CACHD1: variants seen among roughly 807,000 people sequenced by gnomAD.
CACHD1 encodes VWFA and cache domain-containing protein 1.
A neutral mutation model predicts 138.7 loss-of-function variants in CACHD1; 71 were observed. The observed-to-expected ratio is 0.51, with a 90% CI of 0.42 to 0.62. The LOEUF (loss-of-function observed/expected upper bound fraction) is 0.62. CACHD1 is among the 20% of genes least tolerant of loss of function. The pLI is 0.00. For missense variants in CACHD1, 1,389 were observed against 1,625.3 expected, an observed-to-expected ratio of 0.85 and a Z score of 2.50; for synonymous variants, 578 against 591.5, an observed-to-expected ratio of 0.98 and a Z score of 0.33.
At chr1:64,681,548 T>TTTGTTTTG (rs1557555797) in intron 25 of CACHD1, among the ~76,000 whole-genome samples, 8 of 114,320 alleles carry the variant, frequency 7.0e-5, no homozygotes, top group East Asian at 2.3e-4. Context: ...TGTGTTTTTT[T>TTTGTTTTG]TTTTTTTTTT....
chr1:64,656,436 A>T (rs754824216), intron 12 of CACHD1, among the ~76,000 whole-genome samples: 1 of 152,190 alleles, frequency 6.6e-6, no homozygotes, highest in Non-Finnish European at 1.5e-5. Flanking sequence ...AAAATTCTCA[A>T]TTAGAAAACA....
intron 3 of CACHD1, among the ~76,000 whole-genome samples, chr1:64,597,753 T>A (rs994153560): frequency 6.6e-6 from 1 of 152,118 alleles, no homozygotes; most frequent in African/African-American, 2.4e-5. Context: ...TTAAGTTGAA[T>A]TGCCCATTCA....
chr1:64,645,972 TTGA>T (rs1648888719), intron 8 of CACHD1, among the ~76,000 whole-genome samples: 1 of 152,168 alleles, frequency 6.6e-6, no homozygotes, highest in Non-Finnish European at 1.5e-5. Flanking sequence ...CATGACCATG[TTGA>T]TAATAGGCAA....
chr1:64,692,616 A>G lies in CACHD1; in HGVS notation c.*1055A>G, dbSNP rs1196266632. 6.6e-6 allele frequency: 1 copy of G among 152,102 alleles called. No homozygotes were observed. Among genetic ancestry groups the G allele is most frequent in the Non-Finnish European group, 1.5e-5 (1 of 68,026 alleles). 9.4% of individuals were successfully genotyped at this position (152,102 alleles called of 1,614,324 possible). A position where few individuals can be genotyped will look rare whatever the true frequency, so the allele number is the denominator to read the frequency against. On this transcript the variant is annotated 3_prime_UTR_variant, in exon 27 of 27. Transcript: ENST00000651257. ...GGGAAGAAGTTTTCTAAATTGTGAA[A>G]GTCTGGTTCTTAATTAAAGAATTTT...
In CACHD1 at chr1:64,654,097, A is replaced by G. The variant is rs565357422; in HGVS notation, c.1664+216A>G. Among the ~76,000 whole-genome samples, 3 of 152,320 alleles carry G rather than the reference A, an allele frequency of 2.0e-5. No homozygotes were observed. The East Asian group carries it at 5.8e-4, about 29-fold the overall frequency. ...GTCTTAGAACTATTATTTGACGATAATGTCTTGTAAATCAAATTTTATGTT... is the reference window on the plus strand; with the variant it reads ...GTCTTAGAACTATTATTTGACGATAGTGTCTTGTAAATCAAATTTTATGTT... On this transcript the variant is annotated intron_variant, in intron 11 of 26. Coordinates refer to ENST00000651257, the MANE Select transcript of CACHD1 (RefSeq NM_020925.4).
intron 19 of CACHD1, among the ~76,000 whole-genome samples, chr1:64,674,439 C>A (rs975486344): frequency 6.6e-6 from 1 of 152,134 alleles, no homozygotes; most frequent in African/African-American, 2.4e-5. Flanking sequence ...GCACACAATG[C>A]CAGGATACTC....
chr1:64,474,183 A>G (rs1646161389), intron 1 of CACHD1, among the ~76,000 whole-genome samples: 2 of 152,348 alleles, frequency 1.3e-5, no homozygotes, highest in South Asian at 4.1e-4. Context: ...ATCATACATC[A>G]TGGATAAAAG....
At chr1:64,578,794 C>T (rs887384694) in intron 2 of CACHD1, among the ~76,000 whole-genome samples, 3 of 152,150 alleles carry the variant, frequency 2.0e-5, no homozygotes, top group Non-Finnish European at 4.4e-5. Flanking sequence ...CAAGAGTAAG[C>T]GTTCCAAGAG....
rs565939136 is a variant in CACHD1 at position 64,534,054 on chromosome 1, T to C, written c.199-16540T>C. Among the ~76,000 whole-genome samples the C allele has an allele frequency of 2.0e-4, 30 of 150,638 alleles. No individual in the cohort carries two copies. In the East Asian group the frequency reaches 5.7e-3, roughly 28 times the overall value. On this transcript the variant is annotated intron_variant, in intron 1 of 26. Coordinates refer to ENST00000651257, the MANE Select transcript of CACHD1 (RefSeq NM_020925.4). Reference sequence around the variant, plus strand: ...AGTCGTGAGCCCAGCATTTTTTTTTTTTTTTTTGAGACAGAGTCTCACTCT... The same window carrying C: ...AGTCGTGAGCCCAGCATTTTTTTTTCTTTTTTTGAGACAGAGTCTCACTCT...
intron 1 of CACHD1, among the ~76,000 whole-genome samples, chr1:64,474,126 G>A (rs2100256112): frequency 6.6e-6 from 1 of 152,258 alleles, no homozygotes; most frequent in East Asian, 1.9e-4. Flanking sequence ...AATTTTGCCA[G>A]TACTCTGGGA....
At chr1:64,600,064 T>C (rs1359495416) in intron 3 of CACHD1, among the ~76,000 whole-genome samples, 2 of 152,192 alleles carry the variant, frequency 1.3e-5, no homozygotes, top group African/African-American at 4.8e-5. Flanking sequence ...ACTTGCTATG[T>C]GATCTTTGGT....
At chr1:64,658,575 A>T in intron 12 of CACHD1, 130 bp from the exon 13 acceptor site, 2 of 608,292 alleles carry the variant, frequency 3.3e-6, no homozygotes, top group South Asian at 2.8e-5. Context: ...TCATTCATTC[A>T]TCCCATATTT....
intron 1 of CACHD1, among the ~76,000 whole-genome samples, chr1:64,536,212 T>G (rs1646631593): frequency 6.6e-6 from 1 of 152,208 alleles, no homozygotes; most frequent in Middle Eastern, 3.2e-3. Context: ...AAACATAGAT[T>G]TATTATACCC....
At chr1:64,569,783 T>C (rs1421019353) in intron 2 of CACHD1, among the ~76,000 whole-genome samples, 1 of 152,118 alleles carries the variant, frequency 6.6e-6, no homozygotes, top group East Asian at 1.9e-4. Context: ...GATCTGGGCT[T>C]TTTACTCAAA....
intron 11 of CACHD1, among the ~76,000 whole-genome samples, chr1:64,654,148 G>A (rs1395364427): frequency 6.6e-6 from 1 of 152,050 alleles, no homozygotes; most frequent in Admixed American, 6.6e-5. Flanking sequence ...TGTAAAATCA[G>A]ATATATTTCA....
intron 1 of CACHD1, among the ~76,000 whole-genome samples, chr1:64,491,325 T>C (rs574288400): frequency 6.6e-6 from 1 of 152,156 alleles, no homozygotes; most frequent in East Asian, 1.9e-4. Flanking sequence ...CTATAAATAA[T>C]TATCTGAGAC....
intron 3 of CACHD1, among the ~76,000 whole-genome samples, chr1:64,589,050 A>T (rs2100551874): frequency 6.6e-6 from 1 of 152,328 alleles, no homozygotes; most frequent in Admixed American, 6.5e-5. Context: ...GAAGCCAGCC[A>T]CCTGGAGCTG....
intron 3 of CACHD1, among the ~76,000 whole-genome samples, chr1:64,592,419 G>A (rs901997322): frequency 6.6e-6 from 1 of 152,150 alleles, no homozygotes; most frequent in African/African-American, 2.4e-5. Context: ...GGCAGTCTGT[G>A]GCAAATGTCA....
chr1:64,576,034 C>T (rs1466101597), intron 2 of CACHD1, among the ~76,000 whole-genome samples: 1 of 152,154 alleles, frequency 6.6e-6, no homozygotes. Context: ...CCCATGGGGA[C>T]CGCACGCTAC....
Sources: gnomAD v4.1 joint callset for allele counts (sites outside exome capture counted in the v4.1 genomes callset) on GRCh38, gnomAD v4.1.1 for gene constraint, MANE v1.5 for transcripts, NCBI Gene and HGNC (gene_info 2026-07-23, HGNC 2026-07-21) for gene names.